The following C1orf21 variants were observed in gnomAD, a reference collection of about 807,000 sequenced individuals.
C1orf21 encodes the protein uncharacterized protein C1orf21.
A neutral mutation model predicts 18.7 loss-of-function variants in C1orf21; 3 were observed. The ratio of observed to expected loss-of-function variants is 0.16; its 90% CI spans 0.07 to 0.42. The LOEUF (loss-of-function observed/expected upper bound fraction) is 0.42, where lower values mean the gene tolerates loss of function less well. Among genes scored for constraint, C1orf21 ranks in the 10% least tolerant of loss-of-function variants. The probability of loss-of-function intolerance (pLI) is 0.99; values close to 1 mark genes in which losing one functional copy is unlikely to be tolerated. For missense variants in C1orf21, 104 were observed against 143.6 expected (o/e 0.72, Z 1.41); for synonymous variants, 41 against 46.4 (o/e 0.88, Z 0.47).
chr1:184,476,958 A>C (rs2101990374), intron 1 of C1orf21, among the ~76,000 whole-genome samples: 1 of 152,264 alleles, frequency 6.6e-6, no homozygotes, highest in South Asian at 2.1e-4. Context: ...GGGTAGAATG[A>C]GGAAGATGAA....
rs781232394 is a variant in C1orf21, at chr1:184,590,780, A to G, written c.231A>G (p.Lys77=). The G allele has an allele frequency of 2.1e-5, 34 of 1,614,006 alleles. No homozygotes were observed. In the South Asian group the frequency reaches 3.3e-4, roughly 16 times the overall value. The change falls in exon 4 of 6, where the codon AAA becomes AAG. Residue 77 remains lysine (K), a synonymous_variant. Coordinates refer to ENST00000235307, the MANE Select transcript of C1orf21 (RefSeq NM_030806.4). ...ASSNVRLKTN[K]EVPGLVHQPR... ...CAAATGTAAGACTTAAAACTAATAA[A>G]GAGGTTCCGGGATTAGTTCATCAAC... is the stretch of plus-strand genomic sequence containing the variant.
chr1:184,468,644 C>A (rs535111734), intron 1 of C1orf21, among the ~76,000 whole-genome samples: 3 of 152,308 alleles, frequency 2.0e-5, no homozygotes, highest in Admixed American at 6.5e-5. Flanking sequence ...CTTGGCTGGG[C>A]AGAGTGGCTC....
At chr1:184,559,753 G>T (rs1030119192) in intron 3 of C1orf21, among the ~76,000 whole-genome samples, 2 of 151,784 alleles carry the variant, frequency 1.3e-5, no homozygotes, top group Admixed American at 1.3e-4. Flanking sequence ...GAGCAGCTGG[G>T]ACTACAGGTG....
intron 1 of C1orf21, among the ~76,000 whole-genome samples, chr1:184,436,701 T>TA: frequency 6.6e-6 from 1 of 152,318 alleles, no homozygotes; most frequent in South Asian, 2.1e-4. Context: ...CTTGTCCCTT[T>TA]AGCTTTCCCT....
chr1:184,388,837 G>A (rs935208508), intron 1 of C1orf21, among the ~76,000 whole-genome samples: 4 of 152,110 alleles, frequency 2.6e-5, no homozygotes, highest in Non-Finnish European at 5.9e-5. Flanking sequence ...GCACTGTTGT[G>A]GGGAGAAGGT....
chr1:184,530,274 C>T (rs932011789), intron 3 of C1orf21, among the ~76,000 whole-genome samples: 10 of 152,244 alleles, frequency 6.6e-5, no homozygotes, highest in African/African-American at 2.4e-4. Context: ...GACAAGTTAT[C>T]TCTCTGGGCC....
At chr1:184,480,136 G>A (rs754840411) in intron 2 of C1orf21, among the ~76,000 whole-genome samples, 2 of 152,168 alleles carry the variant, frequency 1.3e-5, no homozygotes, top group Non-Finnish European at 2.9e-5. Context: ...TAGATGCTCT[G>A]CCTTAAACCG....
intron 3 of C1orf21, among the ~76,000 whole-genome samples, chr1:184,576,146 A>G (rs1452197466): frequency 2.0e-5 from 3 of 149,324 alleles, no homozygotes; most frequent in Non-Finnish European, 4.4e-5. Context: ...TTTTTTTGGC[A>G]TAGAGTCTCA....
intron 3 of C1orf21, among the ~76,000 whole-genome samples, chr1:184,572,546 TATCA>T (rs1474689868): frequency 6.6e-6 from 1 of 152,234 alleles, no homozygotes; most frequent in Non-Finnish European, 1.5e-5. Context: ...TAGTAAGTTC[TATCA>T]ATCAGAAAAC....
intron 1 of C1orf21, among the ~76,000 whole-genome samples, chr1:184,422,612 G>A (rs762730111): frequency 1.3e-5 from 2 of 152,068 alleles, no homozygotes; most frequent in African/African-American, 2.4e-5. Context: ...CTTGCTAGGC[G>A]GCAGTTTATT....
intron 5 of C1orf21, 99 bp downstream of exon 5, chr1:184,598,560 A>G (rs1475012075): frequency 9.3e-6 from 11 of 1,188,300 alleles, no homozygotes; most frequent in Non-Finnish European, 1.3e-5. Context: ...TCATAAAGCT[A>G]TTTTTGTGAA....
At chr1:184,402,063 G>T (rs1656160558) in intron 1 of C1orf21, among the ~76,000 whole-genome samples, 1 of 152,076 alleles carries the variant, frequency 6.6e-6, no homozygotes, top group South Asian at 2.1e-4. Flanking sequence ...TGTTCTAGTT[G>T]TACTTAAAAA....
chr1:184,403,851 C>T (rs1201754718), intron 1 of C1orf21, among the ~76,000 whole-genome samples: 3 of 152,122 alleles, frequency 2.0e-5, no homozygotes, highest in South Asian at 4.1e-4. Flanking sequence ...GTGTATTATA[C>T]ACACATGAAT....
intron 1 of C1orf21, among the ~76,000 whole-genome samples, chr1:184,425,273 T>C (rs1186324185): frequency 2.0e-5 from 3 of 151,908 alleles, no homozygotes; most frequent in Non-Finnish European, 4.4e-5. Context: ...ATATCTTTTT[T>C]TTTTTTTTCC....
At chr1:184,530,600 CTTTTTTTT>C (rs1184327589) in intron 3 of C1orf21, among the ~76,000 whole-genome samples, 7 of 111,466 alleles carry the variant, frequency 6.3e-5, no homozygotes, top group Non-Finnish European at 1.3e-4. Flanking sequence ...TTTCTTTTTT[CTTTTTTTT>C]TTTTTTTTTT....
chr1:184,478,619 C>G (rs944306336), intron 2 of C1orf21, among the ~76,000 whole-genome samples: 1 of 152,164 alleles, frequency 6.6e-6, no homozygotes, highest in African/African-American at 2.4e-5. Flanking sequence ...GCATGCACAC[C>G]GAGTTCAGTT....
chr1:184,410,620 TATATATATATATATA>T (rs1656320023), intron 1 of C1orf21, among the ~76,000 whole-genome samples: 1 of 4,394 alleles, frequency 2.3e-4, no homozygotes, highest in Non-Finnish European at 3.0e-4. Flanking sequence ...ATATATATTA[TATATATATATATATA>T]TATATATATA....
At chr1:184,425,148 A>G (rs1421796118) in intron 1 of C1orf21, among the ~76,000 whole-genome samples, 2 of 152,098 alleles carry the variant, frequency 1.3e-5, no homozygotes, top group African/African-American at 2.4e-5. Context: ...TGGGTGATGT[A>G]ATGTTCTTAG....
intron 3 of C1orf21, among the ~76,000 whole-genome samples, chr1:184,590,475 G>T (rs1419241034): frequency 3.9e-5 from 6 of 152,128 alleles, no homozygotes; most frequent in Admixed American, 1.3e-4. Context: ...TAGTGTTAAA[G>T]AATTAAATAT....
Sources: allele counts gnomAD v4.1 joint callset (sites outside exome capture counted in the v4.1 genomes callset), GRCh38; gene constraint gnomAD v4.1.1; transcripts MANE v1.5; gene names NCBI Gene and HGNC (gene_info 2026-07-23, HGNC 2026-07-21).